The following ARHGAP15 variants were observed in gnomAD, a reference collection of about 807,000 sequenced individuals.
ARHGAP15 encodes the protein rho GTPase-activating protein 15.
A neutral mutation model predicts 63.7 loss-of-function variants in ARHGAP15; 51 were observed. The observed-to-expected ratio is 0.80, with a 90% CI of 0.64 to 1.01. The LOEUF is 1.01. Among genes scored for constraint, ARHGAP15 ranks in the 50% least tolerant of loss-of-function variants. The probability of loss-of-function intolerance (pLI) is 0.00; values close to 1 mark genes in which losing one functional copy is unlikely to be tolerated. For synonymous variants in ARHGAP15, 191 were observed against 193.8 expected (o/e 0.99, Z 0.12); for missense variants, 560 against 564.6 (o/e 0.99, Z 0.08).
chr2:143,155,371 G>A (rs1440485545), intron 1 of ARHGAP15, 106 bp from the exon 2 acceptor site: 4 of 1,106,658 alleles, frequency 3.6e-6, no homozygotes, highest in Non-Finnish European at 5.0e-6. Flanking sequence ...GAAGACTCTT[G>A]TTTATCAACT....
chr2:143,455,572 T>C (rs923538074), intron 8 of ARHGAP15, among the ~76,000 whole-genome samples: 105 of 152,222 alleles, frequency 6.9e-4, no homozygotes, highest in African/African-American at 2.4e-3. Context: ...TATGGTCAAA[T>C]TTTAGGTAGC....
At chr2:143,424,070 T>C (rs186944915) in intron 6 of ARHGAP15, among the ~76,000 whole-genome samples, 3 of 152,224 alleles carry the variant, frequency 2.0e-5, no homozygotes, top group East Asian at 1.9e-4. Context: ...CATCTTTCTA[T>C]GGTCTAGAGC....
At chr2:143,504,519 C>T (rs1001254459) in intron 9 of ARHGAP15, among the ~76,000 whole-genome samples, 3 of 152,168 alleles carry the variant, frequency 2.0e-5, no homozygotes, top group Admixed American at 6.5e-5. Context: ...CCTACGTAAT[C>T]GCAATGGCCA....
intron 12 of ARHGAP15, among the ~76,000 whole-genome samples, chr2:143,639,712 G>T (rs1230022560): frequency 6.6e-6 from 1 of 152,090 alleles, no homozygotes; most frequent in Non-Finnish European, 1.5e-5. Context: ...AGGTGAAACT[G>T]CAGCAAAGTG....
intron 9 of ARHGAP15, among the ~76,000 whole-genome samples, chr2:143,515,596 G>A (rs1244374282): frequency 6.6e-6 from 1 of 152,100 alleles, no homozygotes; most frequent in East Asian, 1.9e-4. Context: ...TTTCTTCAGG[G>A]GAAACAAATC....
At chr2:143,469,629 G>T (rs935304636) in intron 8 of ARHGAP15, among the ~76,000 whole-genome samples, 1 of 152,156 alleles carries the variant, frequency 6.6e-6, no homozygotes, top group African/African-American at 2.4e-5. Flanking sequence ...CATTTGAAAC[G>T]TGGCTAGACT....
chr2:143,368,852 T>A (rs1040419278), intron 6 of ARHGAP15, among the ~76,000 whole-genome samples: 1 of 152,138 alleles, frequency 6.6e-6, no homozygotes, highest in African/African-American at 2.4e-5. Flanking sequence ...TTCATCCAGA[T>A]AGATTCTCCA....
At position 143,228,685 on chromosome 2, in the gene ARHGAP15, T is replaced by C. The variant is rs1429698268; in HGVS notation, c.384+17T>C. On this transcript the variant is annotated intron_variant, in intron 5 of 13. Transcript: ENST00000295095. ...TCCAATATGGTAAGTAATTCTCTGT[T>C]TCTATTGTTAAATATCTTTTCAGAA... 1.3e-6 allele frequency: 2 copies of C among 1,495,086 alleles called. No individual in the cohort carries two copies. Among genetic ancestry groups the C allele is most frequent in the South Asian group, 1.3e-5 (1 of 74,454 alleles). The allele number at this position is 1,495,086 out of a possible 1,614,324, so 92.6% of individuals were successfully genotyped here. A position where few individuals can be genotyped will look rare whatever the true frequency, so the allele number is the denominator to read the frequency against.
chr2:143,668,190 A>C (rs1195905880), intron 12 of ARHGAP15, among the ~76,000 whole-genome samples: 1 of 152,132 alleles, frequency 6.6e-6, no homozygotes, highest in Non-Finnish European at 1.5e-5. Flanking sequence ...TACTGTGTAG[A>C]TATTCAGATT....
At chr2:143,322,676 G>A (rs918743424) in intron 6 of ARHGAP15, among the ~76,000 whole-genome samples, 7 of 152,134 alleles carry the variant, frequency 4.6e-5, no homozygotes, top group African/African-American at 9.7e-5. Context: ...CAGCATTACC[G>A]TGGATAGAAT....
chr2:143,510,555 C>G (rs1004348547), intron 9 of ARHGAP15, among the ~76,000 whole-genome samples: 3 of 152,188 alleles, frequency 2.0e-5, no homozygotes, highest in East Asian at 3.8e-4. Context: ...TGAATATCTC[C>G]AAGACTGGTC....
chr2:143,668,261 A>T (rs1682334017), intron 12 of ARHGAP15, among the ~76,000 whole-genome samples: 2 of 151,512 alleles, frequency 1.3e-5, no homozygotes, highest in African/African-American at 4.8e-5. Context: ...GGGTTACCTT[A>T]CTGCCTTGAT....
intron 6 of ARHGAP15, among the ~76,000 whole-genome samples, chr2:143,267,044 T>C (rs1448250247): frequency 6.6e-6 from 1 of 152,172 alleles, no homozygotes; most frequent in African/African-American, 2.4e-5. Context: ...ATATGTCACG[T>C]CTGTCTTCAT....
intron 13 of ARHGAP15, among the ~76,000 whole-genome samples, chr2:143,747,018 T>C (rs983238860): frequency 2.6e-5 from 4 of 152,136 alleles, no homozygotes; most frequent in Admixed American, 2.6e-4. Flanking sequence ...TTTTTGTTAA[T>C]AGATTTTTCA....
intron 11 of ARHGAP15, among the ~76,000 whole-genome samples, chr2:143,592,363 T>C (rs1314269104): frequency 6.6e-6 from 1 of 152,242 alleles, no homozygotes; most frequent in Non-Finnish European, 1.5e-5. Flanking sequence ...TTTAGGTTTT[T>C]CTGCTATTCT....
chr2:143,622,539 TA>T (rs1698680621), intron 11 of ARHGAP15, among the ~76,000 whole-genome samples: 1 of 152,014 alleles, frequency 6.6e-6, no homozygotes, highest in Non-Finnish European at 1.5e-5. Flanking sequence ...TGTAGCCAAA[TA>T]AAAGACTAAT....
intron 6 of ARHGAP15, among the ~76,000 whole-genome samples, chr2:143,325,077 T>C (rs1001393666): frequency 2.0e-5 from 3 of 152,118 alleles, no homozygotes; most frequent in Admixed American, 1.3e-4. Flanking sequence ...TTCAGAGATA[T>C]AACTATCAAA....
chr2:143,568,166 A>C (rs1019772094), intron 11 of ARHGAP15, among the ~76,000 whole-genome samples: 1 of 152,228 alleles, frequency 6.6e-6, no homozygotes, highest in African/African-American at 2.4e-5. Context: ...CAAAATTGAC[A>C]AATGGGATCT....
chr2:143,278,548 T>C (rs1322766172), intron 6 of ARHGAP15, among the ~76,000 whole-genome samples: 4 of 152,142 alleles, frequency 2.6e-5, no homozygotes, highest in Admixed American at 6.5e-5. Flanking sequence ...ACCTTGGGCA[T>C]TATCTATTGT....
Sources: allele counts gnomAD v4.1 joint callset (sites outside exome capture counted in the v4.1 genomes callset), GRCh38; gene constraint gnomAD v4.1.1; transcripts MANE v1.5; gene names NCBI Gene and HGNC (gene_info 2026-07-23, HGNC 2026-07-21).